Variants in CCDC149 observed in about 807,000 individuals in gnomAD.
CCDC149 encodes coiled-coil domain containing 149, also known as coiled-coil domain-containing protein 149.
CCDC149 carries 45 observed loss-of-function variants against 59.9 expected under a neutral mutation model. That is an observed-to-expected ratio of 0.75 (90% CI 0.59 to 0.96). CCDC149 has a LOEUF of 0.96. Ranked by LOEUF, CCDC149 falls within the 40% of genes least tolerant of loss-of-function variation. The probability of loss-of-function intolerance (pLI) is 0.00; values close to 1 mark genes in which losing one functional copy is unlikely to be tolerated. For missense variants in CCDC149, 584 were observed against 664.7 expected (o/e 0.88, Z 1.33); for synonymous variants, 245 against 260.6 (o/e 0.94, Z 0.58).
At chr4:24,817,067 G>A (rs193181098) in intron 12 of CCDC149, among the ~76,000 whole-genome samples, 12 of 152,300 alleles carry the variant, frequency 7.9e-5, no homozygotes, top group Non-Finnish European at 1.6e-4. Context: ...TAGGAACAAT[G>A]AGAGCTAATG....
At chr4:24,948,421 C>T (rs1326165392) in intron 1 of CCDC149, among the ~76,000 whole-genome samples, 3 of 152,232 alleles carry the variant, frequency 2.0e-5, no homozygotes, top group African/African-American at 7.2e-5. Flanking sequence ...TCATCCTACT[C>T]TGCTGGATTT....
chr4:24,931,193 T>G (rs1722574572), intron 1 of CCDC149, among the ~76,000 whole-genome samples: 1 of 150,140 alleles, frequency 6.7e-6, no homozygotes, highest in African/African-American at 2.4e-5. Context: ...TGTGTGTATA[T>G]ATATATATGT....
intron 1 of CCDC149, among the ~76,000 whole-genome samples, chr4:24,908,887 G>A (rs1163548341): frequency 6.6e-6 from 1 of 152,216 alleles, no homozygotes; most frequent in Non-Finnish European, 1.5e-5. Context: ...GTGGTGGGCT[G>A]AGCGATGACC....
chr4:24,808,294 T>G lies in CCDC149; in HGVS notation c.*95A>C. On this transcript the variant is annotated 3_prime_UTR_variant, in exon 13 of 13. Coordinates refer to ENST00000635206, the MANE Select transcript of CCDC149 (RefSeq NM_001330643.2). ...TCTCACTTGCAGACTCGGAGGTATT[T>G]CAGGAGAAGGCGACGTGAGCGCACC... 1 of 1,184,408 alleles carries G rather than the reference T, an allele frequency of 8.4e-7. No individual in the cohort carries two copies. Among genetic ancestry groups the G allele is most frequent in the Non-Finnish European group, 1.1e-6 (1 of 887,524 alleles). 73.4% of individuals were successfully genotyped at this position (1,184,408 alleles called of 1,614,324 possible). A position where few individuals can be genotyped will look rare whatever the true frequency, so the allele number is the denominator to read the frequency against.
chr4:24,914,901 A>G (rs2109332954), upstream of CCDC149, among the ~76,000 whole-genome samples: 1 of 152,276 alleles, frequency 6.6e-6, no homozygotes, highest in South Asian at 2.1e-4. Flanking sequence ...AAGAAAAGGA[A>G]CCAGTATACT....
intron 1 of CCDC149, among the ~76,000 whole-genome samples, chr4:24,930,635 C>T (rs1722560957): frequency 6.6e-6 from 1 of 152,100 alleles, no homozygotes; most frequent in African/African-American, 2.4e-5. Flanking sequence ...AATGTTCTCA[C>T]TCAGCCACTC....
intron 1 of CCDC149, among the ~76,000 whole-genome samples, chr4:24,908,864 A>G (rs1344309661): frequency 6.6e-6 from 1 of 152,220 alleles, no homozygotes; most frequent in Non-Finnish European, 1.5e-5. Flanking sequence ...AATTATGTAT[A>G]GTTTATCATA....
At chr4:24,972,508 G>A (rs141489001) in intron 1 of CCDC149, among the ~76,000 whole-genome samples, 2 of 151,834 alleles carry the variant, frequency 1.3e-5, no homozygotes, top group African/African-American at 2.4e-5. Flanking sequence ...GGGTTTTTCC[G>A]TGTTGCCCAG....
chr4:24,872,737 A>G (rs922237902), intron 3 of CCDC149, among the ~76,000 whole-genome samples: 1 of 151,626 alleles, frequency 6.6e-6, no homozygotes, highest in Non-Finnish European at 1.5e-5. Context: ...AATGGTAAGC[A>G]CCCACAGAAC....
intron 1 of CCDC149, among the ~76,000 whole-genome samples, chr4:24,953,914 C>G (rs4697501): frequency 0.75 from 114,599 of 151,942 alleles, 43,439 homozygotes; most frequent in African/African-American, 0.79. Flanking sequence ...TCACTAGAAA[C>G]ATTCAAAGAG....
At chr4:24,960,359 A>G (rs1577507612) in intron 1 of CCDC149, among the ~76,000 whole-genome samples, 6 of 152,178 alleles carry the variant, frequency 3.9e-5, no homozygotes, top group Admixed American at 3.9e-4. Context: ...ATATAATTCT[A>G]TTGAAATCAC....
chr4:24,975,805 T>A (rs1325501235), intron 1 of CCDC149, among the ~76,000 whole-genome samples: 1 of 129,456 alleles, frequency 7.7e-6, no homozygotes, highest in African/African-American at 4.4e-5. Context: ...TCTCTGCCAA[T>A]CCCGCATCTG....
chr4:24,923,075 G>T (rs1056687993), intron 1 of CCDC149, among the ~76,000 whole-genome samples: 4 of 152,040 alleles, frequency 2.6e-5, no homozygotes, highest in Non-Finnish European at 5.9e-5. Context: ...TATCAGAAGC[G>T]CCCCTGATGA....
At chr4:24,881,744 T>C (rs1480241463) in intron 1 of CCDC149, among the ~76,000 whole-genome samples, 2 of 152,230 alleles carry the variant, frequency 1.3e-5, no homozygotes, top group South Asian at 2.1e-4. Flanking sequence ...CTATTAGTAG[T>C]GCTATTGATG....
chr4:24,874,243 T>TG (rs1719240404), intron 2 of CCDC149, among the ~76,000 whole-genome samples: 3 of 38,778 alleles, frequency 7.7e-5, no homozygotes, highest in Non-Finnish European at 1.0e-4. Flanking sequence ...CTATTAGATT[T>TG]GTTTTTTTTT....
intron 1 of CCDC149, among the ~76,000 whole-genome samples, chr4:24,971,514 C>T (rs1237677809): frequency 6.6e-6 from 1 of 152,238 alleles, no homozygotes; most frequent in African/African-American, 2.4e-5. Context: ...TGAGCTTGTG[C>T]TTGGCTTGGA....
Position 24,876,535 on chromosome 4 carries a change from C to T in CCDC149, c.225+1G>A, listed in dbSNP as rs529438949. On this transcript the variant is annotated splice_donor_variant, in intron 2 of 12. Coordinates refer to ENST00000635206, the MANE Select transcript of CCDC149 (RefSeq NM_001330643.2). LOFTEE classifies it high-confidence loss of function. ...GCTGAACAGGGCAGCCTAACACTTA[C>T]AATCAGCTCTCGGTACTTCTTCTTC... The T allele has an allele frequency of 1.9e-6, 3 of 1,612,670 alleles. No homozygotes were observed. The highest frequency in any genetic ancestry group is 4.5e-5 in the East Asian group (2 of 44,868).
At chr4:24,920,213 T>A (rs1722245872) in intron 1 of CCDC149, among the ~76,000 whole-genome samples, 1 of 152,160 alleles carries the variant, frequency 6.6e-6, no homozygotes, top group African/African-American at 2.4e-5. Context: ...TGCTGGGTGG[T>A]TTTCATGTGG....
At chr4:24,876,231 A>G (rs1719413399) in intron 2 of CCDC149, among the ~76,000 whole-genome samples, 1 of 151,724 alleles carries the variant, frequency 6.6e-6, no homozygotes, top group Non-Finnish European at 1.5e-5. Context: ...CCAGGAGCCT[A>G]CTGCAAACAC....
Sources: allele counts gnomAD v4.1 joint callset (sites outside exome capture counted in the v4.1 genomes callset), GRCh38; gene constraint gnomAD v4.1.1; transcripts MANE v1.5; gene names NCBI Gene and HGNC (gene_info 2026-07-23, HGNC 2026-07-21).